Variants in DYNLL2 observed in about 807,000 individuals in gnomAD.
DYNLL2 encodes dynein light chain 2, cytoplasmic.
In DYNLL2, 1 loss-of-function variant was observed where a neutral mutation model predicts 9.7. The ratio of observed to expected loss-of-function variants is 0.10; its 90% CI spans 0.04 to 0.49. The LOEUF is 0.49. Among genes scored for constraint, DYNLL2 ranks in the 20% least tolerant of loss-of-function variants. DYNLL2 has a pLI of 0.95. For missense variants in DYNLL2, 37 were observed against 115.2 expected (o/e 0.32, Z 3.11); for synonymous variants, 35 against 40.5 (o/e 0.86, Z 0.52).
intron 1 of DYNLL2, among the ~76,000 whole-genome samples, chr17:58,084,144 G>A (rs2075748436): frequency 6.6e-6 from 1 of 151,936 alleles, no homozygotes; most frequent in Non-Finnish European, 1.5e-5. Context: ...GGTGGGGGAG[G>A]GCGGCCGACC....
Position 58,089,579 on chromosome 17 carries a change from C to T in DYNLL2, c.*300C>T. On this transcript the variant is annotated 3_prime_UTR_variant, in exon 3 of 3. Coordinates refer to ENST00000579991, the MANE Select transcript of DYNLL2 (RefSeq NM_080677.3). ...TCCCTTTTCTCTTTCTTTCCCTATA[C>T]AAAATAAAAGGCCCACCATAGAGAC... is the stretch of plus-strand genomic sequence containing the variant. 2.2e-6 allele frequency: 1 copy of T among 446,096 alleles called. No individual in the cohort carries two copies. Among genetic ancestry groups the T allele is most frequent in the African/African-American group, 2.0e-5 (1 of 49,118 alleles). 27.6% of individuals were successfully genotyped at this position (446,096 alleles called of 1,614,324 possible).
At position 58,083,456 on chromosome 17, in the gene DYNLL2, GGAGCGGGCGGGC is replaced by G. The variant is rs2075742221; in HGVS notation, c.-235_-224del. 1 of 111,984 alleles carries G rather than the reference GGAGCGGGCGGGC, an allele frequency of 8.9e-6. No individual in the cohort carries two copies. The allele number at this position is 111,984 out of a possible 1,614,324, so 6.9% of individuals were successfully genotyped here. Reference sequence around the variant, plus strand: ...GAGCGGAGCTGTGAGGCGCCAGTGCGGAGCGGGCGGGCGGGCGGGCGGCGTGAGGCGGAGCGC... The same window carrying G: ...GAGCGGAGCTGTGAGGCGCCAGTGCGGGGCGGGCGGCGTGAGGCGGAGCGC... On this transcript the variant is annotated 5_prime_UTR_variant, in exon 1 of 3. Transcript: ENST00000579991.
Position 58,089,735 on chromosome 17 carries a change from G to A in DYNLL2, c.*456G>A, listed in dbSNP as rs2075773359. On this transcript the variant is annotated 3_prime_UTR_variant, in exon 3 of 3. Transcript: ENST00000579991. ...GGGCCAGGGAGGCTGCAGGGGGACA[G>A]TGTTGGGATTGTCAAGGAAAAAGGG... 1 of 403,624 alleles carries A rather than the reference G, an allele frequency of 2.5e-6. No homozygotes were observed. The highest frequency in any genetic ancestry group is 2.1e-5 in the African/African-American group (1 of 48,662). The allele number at this position is 403,624 out of a possible 1,614,324, so 25.0% of individuals were successfully genotyped here. A position where few individuals can be genotyped will look rare whatever the true frequency, so the allele number is the denominator to read the frequency against.
intron 1 of DYNLL2, among the ~76,000 whole-genome samples, chr17:58,085,865 C>T (rs1387175058): frequency 6.6e-6 from 1 of 152,202 alleles, no homozygotes; most frequent in Non-Finnish European, 1.5e-5. Flanking sequence ...AAGATATTGT[C>T]TCCTAACATA....
chr17:58,086,172 A>G (rs991701224), intron 1 of DYNLL2, among the ~76,000 whole-genome samples: 2 of 152,194 alleles, frequency 1.3e-5, no homozygotes, highest in African/African-American at 2.4e-5. Context: ...TACTTGAGAG[A>G]AGGCATAATT....
At chr17:58,086,826 T>A (rs1041562400) in intron 1 of DYNLL2, among the ~76,000 whole-genome samples, 1 of 152,242 alleles carries the variant, frequency 6.6e-6, no homozygotes, top group East Asian at 1.9e-4. Context: ...GAAGTAAATT[T>A]TAGAGTTGGA....
chr17:58,089,332 G>A lies in DYNLL2; in HGVS notation c.*53G>A. On this transcript the variant is annotated 3_prime_UTR_variant, in exon 3 of 3. Transcript: ENST00000579991. ...GCGGCAGCGATGGCAAGCAGGCGGC[G>A]TTGCTGGGACTGTTTTGCACTGGAG... 5.0e-6 allele frequency: 8 copies of A among 1,601,718 alleles called. No individual in the cohort carries two copies. The highest frequency in any genetic ancestry group is 1.7e-5 in the Admixed American group (1 of 58,460).
At chr17:58,087,049 G>T in intron 1 of DYNLL2, 33 bp from the exon 2 acceptor site, 3 of 1,609,422 alleles carry the variant, frequency 1.9e-6, no homozygotes, top group Non-Finnish European at 2.6e-6. Context: ...AGAGCAAGGA[G>T]TTGTCAGCCT....
rs1228213456 is a variant in DYNLL2 at position 58,091,800 on chromosome 17, C to T, written c.*2521C>T. The T allele has an allele frequency of 6.6e-6, 1 of 152,182 alleles. No individual in the cohort carries two copies. Among genetic ancestry groups the T allele is most frequent in the African/African-American group, 2.4e-5 (1 of 41,436 alleles). 9.4% of individuals were successfully genotyped at this position (152,182 alleles called of 1,614,324 possible). The stretch of plus-strand genomic sequence containing the variant: ...AGTGTCTGCCCACCCCTGACTCCAC[C>T]ATCGTGTGACTGCAATTCTCTTGGA... On this transcript the variant is annotated 3_prime_UTR_variant, in exon 3 of 3. Coordinates refer to ENST00000579991, the MANE Select transcript of DYNLL2 (RefSeq NM_080677.3).
intron 1 of DYNLL2, among the ~76,000 whole-genome samples, chr17:58,086,177 A>G (rs1454966013): frequency 6.6e-6 from 1 of 152,204 alleles, no homozygotes; most frequent in Non-Finnish European, 1.5e-5. Flanking sequence ...GAGAGAAGGC[A>G]TAATTATCAT....
chr17:58,086,375 G>C (rs1283969414), intron 1 of DYNLL2, among the ~76,000 whole-genome samples: 1 of 152,234 alleles, frequency 6.6e-6, no homozygotes, highest in Non-Finnish European at 1.5e-5. Flanking sequence ...AAAACAGGTG[G>C]TAGGCTGGAT....
rs528188575 is a variant in DYNLL2 at position 58,094,671 on chromosome 17, A to G, written c.*5392A>G. ...TACAGTTCAGCAGTTTTTAGCATAT[A>G]CACGAATTTGTGCAGCCATAACCAC... On this transcript the variant is annotated 3_prime_UTR_variant, in exon 3 of 3. Transcript: ENST00000579991. 2.4e-4 allele frequency: 36 copies of G among 152,334 alleles called. No homozygotes were observed. The highest frequency in any genetic ancestry group is 8.4e-4 in the African/African-American group (35 of 41,570). 9.4% of individuals were successfully genotyped at this position (152,334 alleles called of 1,614,324 possible). A position where few individuals can be genotyped will look rare whatever the true frequency, so the allele number is the denominator to read the frequency against.
intron 1 of DYNLL2, among the ~76,000 whole-genome samples, chr17:58,085,093 A>G (rs1382395871): frequency 2.6e-5 from 4 of 152,192 alleles, no homozygotes; most frequent in African/African-American, 4.8e-5. Context: ...TCAGCACCAC[A>G]TGGTGCTCAC....
At position 58,091,870 on chromosome 17, in the gene DYNLL2, T is replaced by G. The variant is rs2075781413; in HGVS notation, c.*2591T>G. 6.6e-6 allele frequency: 1 copy of G among 152,212 alleles called. No homozygotes were observed. The highest frequency in any genetic ancestry group is 6.5e-5 in the Admixed American group (1 of 15,286). 9.4% of individuals were successfully genotyped at this position (152,212 alleles called of 1,614,324 possible). ...TGCTTTGCCCTCTTTGTGTTACTAT[T>G]TCTTTACTCAAAAATATTTAAGAGT... is the stretch of plus-strand genomic sequence containing the variant. On this transcript the variant is annotated 3_prime_UTR_variant, in exon 3 of 3. Transcript: ENST00000579991.
chr17:58,086,353 CTT>C (rs1272611398), intron 1 of DYNLL2, among the ~76,000 whole-genome samples: 3 of 152,360 alleles, frequency 2.0e-5, no homozygotes, highest in South Asian at 2.1e-4. Context: ...TCCTGCAACA[CTT>C]TATTTTACAA....
Position 58,089,156 on chromosome 17 carries a change from A to G in DYNLL2, c.147A>G (p.Lys49=), listed in dbSNP as rs1174976953. ...AAYIKKEFDK[K]YNPTWHCIVG... is the part of the protein sequence containing the mutation. ...TTCTTTTTTAGGAATTTGACAAGAA[A>G]TATAACCCTACCTGGCATTGTATCG... The change falls in exon 3 of 3, where the codon AAA becomes AAG. Residue 49 remains lysine (K), a synonymous_variant. Transcript: ENST00000579991. The G allele has an allele frequency of 1.2e-6, 2 of 1,614,168 alleles. No homozygotes were observed. Among genetic ancestry groups the G allele is most frequent in the Admixed American group, 1.7e-5 (1 of 60,014 alleles).
At chr17:58,085,756 C>G (rs925079450) in intron 1 of DYNLL2, among the ~76,000 whole-genome samples, 2 of 152,288 alleles carry the variant, frequency 1.3e-5, no homozygotes, top group South Asian at 2.1e-4. Context: ...AAATCTTTAC[C>G]TTTCTTAGGC....
intron 1 of DYNLL2, 143 bp from the exon 2 acceptor site, chr17:58,086,939 C>T: frequency 1.1e-6 from 1 of 921,254 alleles, no homozygotes; most frequent in East Asian, 2.6e-5. Context: ...TTAGGGGCTC[C>T]CTCTCCTAAT....
Position 58,091,550 on chromosome 17 carries a change from C to G in DYNLL2, c.*2271C>G, listed in dbSNP as rs2075780174. 6.6e-6 allele frequency: 1 copy of G among 152,212 alleles called. No homozygotes were observed. The highest frequency in any genetic ancestry group is 2.4e-5 in the African/African-American group (1 of 41,432). The allele number at this position is 152,212 out of a possible 1,614,324, so 9.4% of individuals were successfully genotyped here. On this transcript the variant is annotated 3_prime_UTR_variant, in exon 3 of 3. Transcript: ENST00000579991. ...AGCTGCCGTCATGGACCTGCCTGAG[C>G]TTTGCTGCTTCAACTTTTGCCCAAA...
Sources: allele counts gnomAD v4.1 joint callset (sites outside exome capture counted in the v4.1 genomes callset), GRCh38; gene constraint gnomAD v4.1.1; transcripts MANE v1.5; gene names NCBI Gene and HGNC (gene_info 2026-07-23, HGNC 2026-07-21).